PNLIPRP3: variants seen among roughly 807,000 people sequenced by gnomAD.
PNLIPRP3 encodes pancreatic lipase related protein 3.
PNLIPRP3 carries 58 observed loss-of-function variants against 52.8 expected under a neutral mutation model. The ratio of observed to expected loss-of-function variants is 1.10; its 90% CI spans 0.89 to 1.37. PNLIPRP3 has a LOEUF of 1.37. PNLIPRP3 is among the 40% of genes most tolerant of loss of function. The pLI is 0.00. For synonymous variants in PNLIPRP3, 192 were observed against 185.0 expected (o/e 1.04, Z -0.31); for missense variants, 593 against 561.6 (o/e 1.06, Z -0.57).
At chr10:116,468,238 T>G (rs768883242) in intron 8 of PNLIPRP3, among the ~76,000 whole-genome samples, 9 of 151,538 alleles carry the variant, frequency 5.9e-5, no homozygotes, top group Non-Finnish European at 8.8e-5. Context: ...GAAGTGAAAT[T>G]ATCAAAGCAT....
At position 116,466,057 on chromosome 10, in the gene PNLIPRP3, T is replaced by C; in HGVS notation, c.816T>C (p.Ala272=). ...TGGGAATTGTTTTCACAGAAATGGC[T>C]TCCTTCTTTGACTGTAACCATGCCC... is the stretch of plus-strand genomic sequence containing the variant. ...FNFNAYKKEM[A]SFFDCNHARS... is the part of the protein sequence containing the mutation. Residue 272 remains alanine (A), a synonymous_variant, in exon 8 of 12, where the codon GCT becomes GCC. Coordinates refer to ENST00000369230, the MANE Select transcript of PNLIPRP3 (RefSeq NM_001011709.3). 1.2e-6 allele frequency: 2 copies of C among 1,611,790 alleles called. No individual in the cohort carries two copies. The highest frequency in any genetic ancestry group is 1.7e-4 in the Middle Eastern group (1 of 6,058).
intron 5 of PNLIPRP3, 41 bp from the exon 6 acceptor site, chr10:116,460,925 G>A: frequency 1.2e-6 from 2 of 1,601,156 alleles, no homozygotes; most frequent in Non-Finnish European, 1.7e-6. Context: ...CAATATTAAT[G>A]TGCACTTCCA....
At chr10:116,436,956 T>C in intron 2 of PNLIPRP3, 91 bp downstream of exon 2, 1 of 1,258,608 alleles carries the variant, frequency 7.9e-7, no homozygotes, top group South Asian at 2.0e-5. Flanking sequence ...TAACCTATTC[T>C]GACATATGCT....
At chr10:116,473,447 G>GT (rs1846406185) in intron 10 of PNLIPRP3, among the ~76,000 whole-genome samples, 2 of 152,154 alleles carry the variant, frequency 1.3e-5, no homozygotes, top group Non-Finnish European at 2.9e-5. Context: ...CTATACAAAT[G>GT]TAAGCATATA....
At chr10:116,472,288 C>G (rs1846386238) in intron 10 of PNLIPRP3, among the ~76,000 whole-genome samples, 1 of 152,012 alleles carries the variant, frequency 6.6e-6, no homozygotes, top group African/African-American at 2.4e-5. Context: ...TAAGCATTAC[C>G]CACAGATACA....
chr10:116,467,434 C>T (rs1045861201), intron 8 of PNLIPRP3, among the ~76,000 whole-genome samples: 1 of 152,062 alleles, frequency 6.6e-6, no homozygotes, highest in Non-Finnish European at 1.5e-5. Flanking sequence ...TAGGATGTTA[C>T]AGTAGCCCTA....
At chr10:116,451,622 C>T (rs551987600) in intron 4 of PNLIPRP3, among the ~76,000 whole-genome samples, 2 of 152,222 alleles carry the variant, frequency 1.3e-5, no homozygotes, top group East Asian at 1.9e-4. Flanking sequence ...TTTAAAAGAG[C>T]ATGGTACCTC....
At chr10:116,477,027 C>A (rs916487812) in intron 11 of PNLIPRP3, 63 bp from the exon 12 acceptor site, 2 of 1,365,746 alleles carry the variant, frequency 1.5e-6, no homozygotes, top group East Asian at 4.6e-5. Context: ...GGGGATCTAC[C>A]GTGTCTTTTT....
Position 116,427,904 on chromosome 10 carries a change from C to A in PNLIPRP3, c.-109C>A. 1.2e-6 allele frequency: 1 copy of A among 804,042 alleles called. No individual in the cohort carries two copies. The highest frequency in any genetic ancestry group is 2.2e-6 in the Non-Finnish European group (1 of 463,670). The allele number at this position is 804,042 out of a possible 1,614,324, so 49.8% of individuals were successfully genotyped here. ...TGTTCTTTTAAACGTAGAGTTTAAA[C>A]ATTGAGTTGCATCATTGTGAGGAAA... On this transcript the variant is annotated 5_prime_UTR_variant, in exon 1 of 12. Transcript: ENST00000369230.
intron 1 of PNLIPRP3, among the ~76,000 whole-genome samples, chr10:116,430,188 G>A (rs568711189): frequency 1.4e-4 from 22 of 152,162 alleles, no homozygotes; most frequent in Non-Finnish European, 3.1e-4. Flanking sequence ...ATATCTGCAG[G>A]TAGCTGGATA....
Position 116,462,953 on chromosome 10 carries a change from A to G in PNLIPRP3, c.808+1663A>G, listed in dbSNP as rs369229624. 1.8e-3 allele frequency among the ~76,000 whole-genome samples: 274 copies of G among 152,258 alleles called. 2 individuals carry two copies. Among genetic ancestry groups the G allele is most frequent in the African/African-American group, 6.3e-3 (263 of 41,570 alleles). ...GAGTTTTAAGACTTCAAGATGTTCT[A>G]TTTTACTTAAATTTATTACTAACAA... is the stretch of plus-strand genomic sequence containing the variant. On this transcript the variant is annotated intron_variant, in intron 7 of 11. Transcript: ENST00000369230.
Position 116,476,692 on chromosome 10 carries a change from G to A in PNLIPRP3, c.1213G>A (p.Asp405Asn), listed in dbSNP as rs377599210. The A allele has an allele frequency of 1.9e-5, 30 of 1,585,948 alleles. No individual in the cohort carries two copies. The highest frequency in any genetic ancestry group is 4.7e-5 in the South Asian group (4 of 85,278). ...EPGMTYTKLI[D>N]ADVNVGNITS... ...AGGCATGACTTACACAAAATTAATCGATGCAGATGTTAACGTTGGAAACAT... is the reference window on the plus strand; with the variant it reads ...AGGCATGACTTACACAAAATTAATCAATGCAGATGTTAACGTTGGAAACAT... Residue 405 changes from aspartate to asparagine, a missense_variant, in exon 11 of 12, where the codon GAT (aspartate) becomes AAT (asparagine). Asp to Asn is a conservative substitution (Grantham distance 23). Transcript: ENST00000369230.
chr10:116,438,546 A>C (rs891557229), intron 2 of PNLIPRP3, among the ~76,000 whole-genome samples: 2 of 152,336 alleles, frequency 1.3e-5, no homozygotes, highest in African/African-American at 4.8e-5. Flanking sequence ...TCTGTAGATG[A>C]GTATTTCCCT....
At chr10:116,462,849 T>C (rs1846215920) in intron 7 of PNLIPRP3, among the ~76,000 whole-genome samples, 1 of 152,178 alleles carries the variant, frequency 6.6e-6, no homozygotes, top group Non-Finnish European at 1.5e-5. Context: ...TCATAAGCTA[T>C]CATTTTGAGA....
chr10:116,463,887 C>A (rs1490699505), intron 7 of PNLIPRP3, among the ~76,000 whole-genome samples: 5 of 152,100 alleles, frequency 3.3e-5, no homozygotes, highest in Admixed American at 6.6e-5. Flanking sequence ...GTAATCCCAG[C>A]ACTTTGAGAG....
intron 1 of PNLIPRP3, among the ~76,000 whole-genome samples, chr10:116,430,250 T>C (rs938746250): frequency 1.3e-5 from 2 of 152,094 alleles, no homozygotes; most frequent in South Asian, 2.1e-4. Flanking sequence ...TGGTTTCCTA[T>C]TGAAATAGGA....
chr10:116,429,155 C>T (rs1190317800), intron 1 of PNLIPRP3, among the ~76,000 whole-genome samples: 5 of 152,112 alleles, frequency 3.3e-5, no homozygotes, highest in Non-Finnish European at 5.9e-5. Context: ...CAGAATATTT[C>T]ACATACAAAT....
intron 2 of PNLIPRP3, chr10:116,440,181 T>G: frequency 1.8e-6 from 1 of 560,226 alleles, no homozygotes; most frequent in Non-Finnish European, 3.2e-6. Flanking sequence ...ACTAACTCTA[T>G]TCCCTGATCT....
intron 4 of PNLIPRP3, among the ~76,000 whole-genome samples, chr10:116,444,784 T>C (rs1164851389): frequency 6.6e-6 from 1 of 152,238 alleles, no homozygotes; most frequent in African/African-American, 2.4e-5. Context: ...GTCAGCATGT[T>C]AGACCACCTC....
Sources: gnomAD v4.1 joint callset for allele counts (sites outside exome capture counted in the v4.1 genomes callset) on GRCh38, gnomAD v4.1.1 for gene constraint, MANE v1.5 for transcripts, NCBI Gene and HGNC (gene_info 2026-07-23, HGNC 2026-07-21) for gene names.